CRYL1: variants seen among roughly 807,000 people sequenced by gnomAD.
CRYL1 encodes the protein crystallin lambda 1.
Under a neutral mutation model 36.6 loss-of-function variants are expected in CRYL1, and 29 were observed. That is an observed-to-expected ratio of 0.79 (90% CI 0.59 to 1.08). The LOEUF is 1.08. Ranked by LOEUF, CRYL1 falls within the 50% of genes least tolerant of loss-of-function variation. CRYL1 has a pLI of 0.00. For synonymous variants in CRYL1, 152 were observed against 151.5 expected (o/e 1.00, Z -0.02); for missense variants, 411 against 407.9 (o/e 1.01, Z -0.06).
intron 4 of CRYL1, among the ~76,000 whole-genome samples, chr13:20,434,757 A>G (rs185643312): frequency 9.2e-5 from 14 of 151,788 alleles, no homozygotes. Context: ...GCTGTTAACA[A>G]TCACCACCAA....
intron 1 of CRYL1, among the ~76,000 whole-genome samples, chr13:20,522,542 G>C (rs9509266): frequency 0.62 from 93,980 of 152,072 alleles, 33,147 homozygotes; most frequent in Non-Finnish European, 0.78. Context: ...TGTTACAAAC[G>C]CTCAACTATC....
In CRYL1 at chr13:20,410,096, C is replaced by A. The variant is rs2031479475; in HGVS notation, c.739+3186G>T. Among the ~76,000 whole-genome samples the A allele has an allele frequency of 3.3e-5, 5 of 151,788 alleles. No individual in the cohort carries two copies. The South Asian group carries it at 1.0e-3, about 32-fold the overall frequency. On this transcript the variant is annotated intron_variant, in intron 6 of 7. Transcript: ENST00000298248. ...GATACATGCACACGTATGTTTATAG[C>A]GGCATTATTCACAATAGCAAAGACT...
chr13:20,413,301 G>A lies in CRYL1; in HGVS notation c.720C>T (p.Thr240=). 1 of 1,612,078 alleles carries A rather than the reference G, an allele frequency of 6.2e-7. No individual in the cohort carries two copies. The highest frequency in any genetic ancestry group is 8.5e-7 in the Non-Finnish European group (1 of 1,178,322). The change falls in exon 6 of 8, where the codon ACC becomes ACT. Residue 240 remains threonine (T), a synonymous_variant. Transcript: ENST00000298248. ...GCATACCTTCTGCATTGAGATGCATGGTTTCCAGGGGTCCAATGAATGCAT... is the reference window on the plus strand; with the variant it reads ...GCATACCTTCTGCATTGAGATGCATAGTTTCCAGGGGTCCAATGAATGCAT... ...MRYAFIGPLE[T]MHLNAEGMLS... is the part of the protein sequence containing the mutation.
chr13:20,438,504 C>G (rs746185869), intron 4 of CRYL1, among the ~76,000 whole-genome samples: 4 of 152,266 alleles, frequency 2.6e-5, no homozygotes, highest in Non-Finnish European at 5.9e-5. Context: ...TTCTCCAGAC[C>G]CAACTGTTAC....
At chr13:20,440,229 T>A (rs2032322899) in intron 3 of CRYL1, among the ~76,000 whole-genome samples, 2 of 152,252 alleles carry the variant, frequency 1.3e-5, no homozygotes, top group Non-Finnish European at 2.9e-5. Context: ...TCTTGGGGTC[T>A]ACACTTTCTT....
At chr13:20,409,476 G>A (rs1158860368) in intron 6 of CRYL1, among the ~76,000 whole-genome samples, 2 of 151,486 alleles carry the variant, frequency 1.3e-5, no homozygotes, top group African/African-American at 4.8e-5. Flanking sequence ...GCATGGGCAA[G>A]GACTTCATGT....
intron 3 of CRYL1, among the ~76,000 whole-genome samples, chr13:20,465,350 A>G (rs926059471): frequency 2.0e-5 from 3 of 152,208 alleles, no homozygotes; most frequent in Non-Finnish European, 2.9e-5. Context: ...CTTGACCACT[A>G]TGATCTCTGC....
chr13:20,456,638 A>ACACACACACAC (rs5802075), intron 3 of CRYL1, among the ~76,000 whole-genome samples: 1,722 of 137,690 alleles, frequency 0.013, 34 homozygotes, highest in Middle Eastern at 0.029. Flanking sequence ...ACACACACAC[A>ACACACACACAC]AAGACCACGA....
intron 5 of CRYL1, among the ~76,000 whole-genome samples, chr13:20,416,905 A>G (rs911181973): frequency 2.0e-5 from 3 of 152,108 alleles, no homozygotes; most frequent in African/African-American, 7.2e-5. Flanking sequence ...GCCTGATTTC[A>G]TCTAGAGGAG....
chr13:20,461,836 C>A (rs1031362318), intron 3 of CRYL1, among the ~76,000 whole-genome samples: 11 of 151,180 alleles, frequency 7.3e-5, no homozygotes, highest in African/African-American at 2.7e-4. Context: ...GTACCCAGAA[C>A]TGCAGAGGTG....
chr13:20,458,877 T>G (rs1418036763), intron 3 of CRYL1, among the ~76,000 whole-genome samples: 1 of 152,168 alleles, frequency 6.6e-6, no homozygotes, highest in Non-Finnish European at 1.5e-5. Flanking sequence ...TATTAAAAAT[T>G]TCATTCAATT....
intron 6 of CRYL1, among the ~76,000 whole-genome samples, chr13:20,407,345 C>T (rs1476931904): frequency 6.6e-6 from 1 of 151,924 alleles, no homozygotes; most frequent in East Asian, 2.0e-4. Flanking sequence ...GACTTAGACT[C>T]ACGACCTGCA....
intron 3 of CRYL1, among the ~76,000 whole-genome samples, chr13:20,462,023 A>C (rs2032832502): frequency 7.0e-5 from 1 of 14,200 alleles, no homozygotes; most frequent in Admixed American, 9.2e-4. Context: ...AGGGGTCAGG[A>C]GGACAGTCTG....
intron 3 of CRYL1, among the ~76,000 whole-genome samples, chr13:20,488,258 C>A (rs2033439846): frequency 6.6e-6 from 1 of 152,192 alleles, no homozygotes; most frequent in Non-Finnish European, 1.5e-5. Flanking sequence ...GCACCTGCAA[C>A]TACGGGTAGA....
chr13:20,460,629 C>G (rs895676683), intron 3 of CRYL1, among the ~76,000 whole-genome samples: 1 of 147,210 alleles, frequency 6.8e-6, no homozygotes, highest in Non-Finnish European at 1.5e-5. Context: ...GGGTTCACGC[C>G]ATTCTCCTGC....
Position 20,419,325 on chromosome 13 carries a change from C to T in CRYL1, c.634-5938G>A, listed in dbSNP as rs538701296. 5.9e-5 allele frequency among the ~76,000 whole-genome samples: 9 copies of T among 152,206 alleles called. No individual in the cohort carries two copies. The South Asian group carries it at 1.7e-3, about 28-fold the overall frequency. ...ATTATTATTTTGAAATGGAGTTTTG[C>T]TCTTGTTGTCCAGGCTGGAGTGCAA... On this transcript the variant is annotated intron_variant, in intron 5 of 7. Transcript: ENST00000298248.
intron 2 of CRYL1, among the ~76,000 whole-genome samples, chr13:20,511,245 A>G (rs1396130947): frequency 6.6e-6 from 1 of 151,900 alleles, no homozygotes; most frequent in Non-Finnish European, 1.5e-5. Flanking sequence ...GGGTGCCAAC[A>G]CATTGGCTAT....
At chr13:20,418,505 T>C (rs1202992045) in intron 5 of CRYL1, 1 of 152,246 alleles carries the variant, frequency 6.6e-6, no homozygotes, top group Non-Finnish European at 1.5e-5. Context: ...CTATCTCCTC[T>C]ACTGATCACC....
At chr13:20,486,906 T>C (rs9315620) in intron 3 of CRYL1, among the ~76,000 whole-genome samples, 49,122 of 151,786 alleles carry the variant, frequency 0.32, 8,709 homozygotes, top group African/African-American at 0.48. Context: ...TGCCAAGTAC[T>C]ATGTAAGTGC....
Sources: gnomAD v4.1 joint callset for allele counts (sites outside exome capture counted in the v4.1 genomes callset) on GRCh38, gnomAD v4.1.1 for gene constraint, MANE v1.5 for transcripts, NCBI Gene and HGNC (gene_info 2026-07-23, HGNC 2026-07-21) for gene names.